ELN: variants seen among roughly 807,000 people sequenced by gnomAD.
ELN encodes the protein elastin.
In ELN, 65 loss-of-function variants were observed where a neutral mutation model predicts 105.8. The ratio of observed to expected loss-of-function variants is 0.61; its 90% CI spans 0.50 to 0.75. The LOEUF is 0.75. ELN is among the 30% of genes least tolerant of loss of function. The pLI, the probability that ELN is intolerant of heterozygous loss-of-function variation, is 0.00. For synonymous variants in ELN, 368 were observed against 389.2 expected, an observed-to-expected ratio of 0.95 and a Z score of 0.64; for missense variants, 882 against 969.4, an observed-to-expected ratio of 0.91 and a Z score of 1.20.
intron 9 of ELN, among the ~76,000 whole-genome samples, chr7:74,044,938 C>G (rs1268473230): frequency 6.6e-6 from 1 of 152,154 alleles, no homozygotes. Flanking sequence ...GGAGGGTGGT[C>G]GAGACGGCTT....
intron 4 of ELN, among the ~76,000 whole-genome samples, chr7:74,040,279 C>T (rs958544377): frequency 4.6e-5 from 7 of 152,324 alleles, no homozygotes; most frequent in South Asian, 2.1e-4. Context: ...TTGAGAGAAG[C>T]GACTGCCAGC....
intron 22 of ELN, among the ~76,000 whole-genome samples, chr7:74,058,264 C>CCTT (rs1428597592): frequency 1.8e-5 from 1 of 54,464 alleles, no homozygotes; most frequent in Non-Finnish European, 3.3e-5. Flanking sequence ...TCTTCTTTCT[C>CCTT]CTTCTTCTTC....
chr7:74,051,525 A>T (rs555964624), intron 15 of ELN, among the ~76,000 whole-genome samples: 1 of 152,314 alleles, frequency 6.6e-6, no homozygotes, highest in Non-Finnish European at 1.5e-5. Flanking sequence ...TTTGTCTGAA[A>T]ACATACAAGT....
At chr7:74,031,919 G>A (rs1788797868) in intron 1 of ELN, among the ~76,000 whole-genome samples, 1 of 106,380 alleles carries the variant, frequency 9.4e-6, no homozygotes, top group Non-Finnish European at 1.9e-5. Flanking sequence ...GAAGGAAAAT[G>A]TTGGAGGACC....
At chr7:74,048,060 C>A (rs1260200081) in intron 13 of ELN, 82 bp from the exon 14 acceptor site, 5 of 1,565,350 alleles carry the variant, frequency 3.2e-6, no homozygotes, top group Non-Finnish European at 4.4e-6. Context: ...ACAGCTTGGG[C>A]CCCGAGGGCA....
chr7:74,057,451 G>T, intron 21 of ELN, 189 bp from the exon 22 acceptor site: 1 of 1,542,072 alleles, frequency 6.5e-7, no homozygotes. Flanking sequence ...GGTGTGCCGG[G>T]CACGGGAGGA....
At chr7:74,052,272 C>T in intron 17 of ELN, 1 of 498,454 alleles carries the variant, frequency 2.0e-6, no homozygotes, top group Non-Finnish European at 3.7e-6. Flanking sequence ...TAAATGGGTG[C>T]CCAGTGGTGA....
intron 25 of ELN, 142 bp downstream of exon 25, chr7:74,060,643 G>C: frequency 1.9e-6 from 3 of 1,553,266 alleles, no homozygotes; most frequent in Non-Finnish European, 1.7e-6. Flanking sequence ...AGCATCTGGG[G>C]GTAACAGATA....
chr7:74,030,891 G>A (rs1240190239), intron 1 of ELN, among the ~76,000 whole-genome samples: 2 of 152,198 alleles, frequency 1.3e-5, no homozygotes, highest in Admixed American at 1.3e-4. Flanking sequence ...GGTCGATCCC[G>A]CTCTGTGTGT....
chr7:74,042,791 G>A, intron 6 of ELN, 85 bp downstream of exon 6: 1 of 1,567,350 alleles, frequency 6.4e-7, no homozygotes, highest in Non-Finnish European at 8.7e-7. Flanking sequence ...CCTCAACTCA[G>A]GCTTGGGAGC....
chr7:74,052,824 AGAG>A (rs1794372461), intron 17 of ELN: 3 of 297,826 alleles, frequency 1.0e-5, no homozygotes, highest in South Asian at 4.3e-5. Flanking sequence ...GAAAAAGAAA[AGAG>A]GGAGGGAGGG....
rs574934142 is a variant in ELN, at chr7:74,069,753, A to AT, written c.*1062dup. On this transcript the variant is annotated 3_prime_UTR_variant, in exon 33 of 33. Transcript: ENST00000252034. ...TGTGGTTCATTGAAAAAAAAAGATA[A>AT]TTTTTTTTTCTGATCCGGGGAGCTG... 149 of 225,826 alleles carry AT rather than the reference A, an allele frequency of 6.6e-4. 1 individual carries two copies. In the South Asian group the frequency reaches 0.016, roughly 24 times the overall value. The allele number at this position is 225,826 out of a possible 1,614,324, so 14.0% of individuals were successfully genotyped here.
chr7:74,058,640 G>A (rs2132217076), intron 22 of ELN, among the ~76,000 whole-genome samples: 1 of 152,318 alleles, frequency 6.6e-6, no homozygotes, highest in African/African-American at 2.4e-5. Flanking sequence ...ACAGGCGTGA[G>A]CCACCACACC....
rs782287420 is a variant in ELN at position 74,063,735 on chromosome 7, T to G, written c.1993+40T>G. On this transcript the variant is annotated intron_variant, in intron 29 of 32. Transcript: ENST00000252034. This position sits in a 1 kb window ranked among gnomAD's most constrained non-coding sequence, Gnocchi z 4.1. Reference sequence around the variant, plus strand: ...GAAATCAGTGAGTGTGTGTGGTGTGTGTATGCGAGACAGAGATGGAGACAG... The same window carrying G: ...GAAATCAGTGAGTGTGTGTGGTGTGGGTATGCGAGACAGAGATGGAGACAG... 11 of 1,612,878 alleles carry G rather than the reference T, an allele frequency of 6.8e-6. No homozygotes were observed. The Admixed American group carries it at 1.8e-4, about 27-fold the overall frequency.
intron 32 of ELN, among the ~76,000 whole-genome samples, 167 bp from the exon 33 acceptor site, chr7:74,068,490 C>G (rs1798480629): frequency 1.3e-5 from 2 of 152,212 alleles, no homozygotes; most frequent in African/African-American, 4.8e-5. Context: ...CCCCATCTGT[C>G]CAGTGGAAGT....
chr7:74,065,774 C>T, intron 30 of ELN, 42 bp downstream of exon 30: 3 of 1,613,680 alleles, frequency 1.9e-6, no homozygotes, highest in Non-Finnish European at 2.5e-6. Flanking sequence ...GGCCTGCACC[C>T]CCTGCCATGC....
intron 12 of ELN, 81 bp from the exon 13 acceptor site, chr7:74,047,594 G>C (rs1013018962): frequency 9.5e-6 from 15 of 1,572,622 alleles, no homozygotes; most frequent in Non-Finnish European, 1.3e-5. Flanking sequence ...AGCACCTGTG[G>C]GGGTAGATCT....
At chr7:74,057,771 C>T (rs561310939) in intron 22 of ELN, 75 bp downstream of exon 22, 54 of 1,542,566 alleles carry the variant, frequency 3.5e-5, no homozygotes, top group South Asian at 1.2e-4. Flanking sequence ...GGTCTGACCG[C>T]CCAGCTTCCT....
At position 74,043,495 on chromosome 7, in the gene ELN, A is replaced by G. The variant is rs1554670159; in HGVS notation, c.427+327A>G. On this transcript the variant is annotated intron_variant, in intron 8 of 32. Coordinates refer to ENST00000252034, the MANE Select transcript of ELN (RefSeq NM_000501.4). ...CAGCGAGTCCCGGCAGAGCTGGGGG[A>G]GCCCCGTGTCCTCTGACTCCCCATC... The G allele has an allele frequency of 5.9e-6, 4 of 683,628 alleles. No individual in the cohort carries two copies. In the South Asian group the frequency reaches 6.0e-5, roughly 10 times the overall value. The allele number at this position is 683,628 out of a possible 1,614,324, so 42.3% of individuals were successfully genotyped here. A position where few individuals can be genotyped will look rare whatever the true frequency, so the allele number is the denominator to read the frequency against.
Sources: gnomAD v4.1 joint callset for allele counts (sites outside exome capture counted in the v4.1 genomes callset) on GRCh38, gnomAD v4.1.1 for gene constraint, Gnocchi (gnomAD v3.1) non-coding constraint, MANE v1.5 for transcripts, NCBI Gene and HGNC (gene_info 2026-07-23, HGNC 2026-07-21) for gene names.